The following CTIF variants were observed in gnomAD, a reference collection of about 807,000 sequenced individuals.
CTIF encodes the protein CBP80/20-dependent translation initiation factor.
A neutral mutation model predicts 66.0 loss-of-function variants in CTIF; 21 were observed. The observed-to-expected ratio is 0.32, with a 90% CI of 0.23 to 0.46. CTIF has a LOEUF of 0.46. CTIF is among the 20% of genes least tolerant of loss of function. CTIF has a pLI of 1.00. For missense variants in CTIF, 739 were observed against 812.7 expected (o/e 0.91, Z 1.10); for synonymous variants, 345 against 326.4 (o/e 1.06, Z -0.62).
intron 7 of CTIF, among the ~76,000 whole-genome samples, chr18:48,731,584 C>T (rs548431151): frequency 6.6e-6 from 1 of 152,276 alleles, no homozygotes; most frequent in African/African-American, 2.4e-5. Flanking sequence ...CTTGGTTTGT[C>T]TGTGATAAGT....
chr18:48,698,461 C>T (rs2092038648), intron 6 of CTIF, among the ~76,000 whole-genome samples: 1 of 152,206 alleles, frequency 6.6e-6, no homozygotes, highest in African/African-American at 2.4e-5. Flanking sequence ...GATTCTCCTA[C>T]CTCGGCCTCC....
intron 1 of CTIF, among the ~76,000 whole-genome samples, chr18:48,612,403 C>T (rs751746424): frequency 1.3e-5 from 2 of 152,202 alleles, no homozygotes; most frequent in Non-Finnish European, 2.9e-5. Context: ...ATTCTAGCCC[C>T]AATTGTGCAT....
intron 9 of CTIF, among the ~76,000 whole-genome samples, chr18:48,766,602 T>C (rs8087872): frequency 0.45 from 68,426 of 152,076 alleles, 15,835 homozygotes; most frequent in East Asian, 0.75. Context: ...GGAACACCAC[T>C]GTTGAGGAGA....
chr18:48,557,033 G>A (rs2089038241), intron 1 of CTIF, among the ~76,000 whole-genome samples: 1 of 152,138 alleles, frequency 6.6e-6, no homozygotes, highest in African/African-American at 2.4e-5. Flanking sequence ...CTCTGGAAAG[G>A]ATGGCTGTTC....
At chr18:48,600,737 C>A (rs956460986) in intron 1 of CTIF, among the ~76,000 whole-genome samples, 6 of 151,994 alleles carry the variant, frequency 3.9e-5, no homozygotes, top group African/African-American at 1.5e-4. Context: ...TTTTTCCTGG[C>A]AGTCTCTCCA....
chr18:48,733,083 C>G (rs1293683260), intron 7 of CTIF, among the ~76,000 whole-genome samples: 1 of 152,178 alleles, frequency 6.6e-6, no homozygotes, highest in Non-Finnish European at 1.5e-5. Flanking sequence ...ATCATTAGTG[C>G]ATGCTTATTT....
intron 1 of CTIF, among the ~76,000 whole-genome samples, chr18:48,579,284 C>T (rs1355637197): frequency 6.6e-6 from 1 of 152,050 alleles, no homozygotes; most frequent in East Asian, 1.9e-4. Flanking sequence ...GTAGCTGGGA[C>T]TACAGTGCAT....
At chr18:48,789,611 G>A (rs1186273912) in intron 9 of CTIF, among the ~76,000 whole-genome samples, 1 of 152,134 alleles carries the variant, frequency 6.6e-6, no homozygotes, top group African/African-American at 2.4e-5. Flanking sequence ...AGAATACTCA[G>A]TATTGGTATG....
chr18:48,781,296 G>A (rs1911188817), intron 9 of CTIF, among the ~76,000 whole-genome samples: 1 of 152,236 alleles, frequency 6.6e-6, no homozygotes, highest in Admixed American at 6.5e-5. Context: ...ACATTTCCAG[G>A]GAACTCTGGG....
In CTIF at chr18:48,730,639, CTGTGGTG is replaced by C. The variant is rs1453588985; in HGVS notation, c.584+18947_584+18953del. ...GGGGCTCCTGCGGTGTGAGGGGCCCCTGTGGTGTGAGGGGCTTCTGCGGTGTGAGGGG... is the reference window on the plus strand; with the variant it reads ...GGGGCTCCTGCGGTGTGAGGGGCCCCTGAGGGGCTTCTGCGGTGTGAGGGG... On this transcript the variant is annotated intron_variant, in intron 7 of 11. Transcript: ENST00000256413. 1.4e-3 allele frequency among the ~76,000 whole-genome samples: 184 copies of C among 128,838 alleles called. 11 individuals are homozygous for C. The highest frequency in any genetic ancestry group is 2.2e-3 in the Non-Finnish European group (135 of 60,106). The allele number at this position is 128,838 out of a possible 152,430, so 84.5% of individuals were successfully genotyped here.
intron 9 of CTIF, among the ~76,000 whole-genome samples, chr18:48,775,281 C>G (rs926523768): frequency 6.6e-6 from 1 of 152,268 alleles, no homozygotes; most frequent in Non-Finnish European, 1.5e-5. Context: ...ACTGAAATGC[C>G]TGACTTTTAC....
chr18:48,792,605 G>A (rs1362379587), intron 9 of CTIF, among the ~76,000 whole-genome samples: 1 of 152,154 alleles, frequency 6.6e-6, no homozygotes, highest in Admixed American at 6.5e-5. Flanking sequence ...GTCTAAGTAA[G>A]GGGTGGTGGT....
chr18:48,580,859 C>T (rs1422866025), intron 1 of CTIF, among the ~76,000 whole-genome samples: 1 of 152,214 alleles, frequency 6.6e-6, no homozygotes, highest in African/African-American at 2.4e-5. Context: ...GGACAAGTCC[C>T]CTGCCTGGCA....
At chr18:48,740,614 G>T (rs906923418) in intron 7 of CTIF, among the ~76,000 whole-genome samples, 2 of 152,206 alleles carry the variant, frequency 1.3e-5, no homozygotes, top group African/African-American at 4.8e-5. Flanking sequence ...GGAGCAAGAA[G>T]TATTTTATAT....
intron 2 of CTIF, among the ~76,000 whole-genome samples, chr18:48,632,744 T>TA (rs1471575775): frequency 6.6e-6 from 1 of 152,054 alleles, no homozygotes; most frequent in Non-Finnish European, 1.5e-5. Flanking sequence ...TTTCCTCCCT[T>TA]ACAGCCCCTG....
chr18:48,689,900 GC>G (rs2145246804), intron 6 of CTIF, among the ~76,000 whole-genome samples: 1 of 152,292 alleles, frequency 6.6e-6, no homozygotes, highest in East Asian at 1.9e-4. Flanking sequence ...TCATGGCTGA[GC>G]CCCTCTGCCC....
intron 10 of CTIF, among the ~76,000 whole-genome samples, chr18:48,845,489 C>A (rs1001287076): frequency 6.6e-6 from 1 of 152,196 alleles, no homozygotes; most frequent in Non-Finnish European, 1.5e-5. Context: ...TCTCTGACCA[C>A]CCTTTTCTTC....
At chr18:48,690,164 AC>A (rs1401574032) in intron 6 of CTIF, among the ~76,000 whole-genome samples, 1 of 150,098 alleles carries the variant, frequency 6.7e-6, no homozygotes, top group African/African-American at 2.5e-5. Context: ...TCTCCACCCC[AC>A]CCCGTCCTTC....
At chr18:48,560,253 G>C (rs1033258704) in intron 1 of CTIF, among the ~76,000 whole-genome samples, 1 of 147,526 alleles carries the variant, frequency 6.8e-6, no homozygotes, top group Non-Finnish European at 1.5e-5. Flanking sequence ...TTGAGACAGA[G>C]TCTCGCTCTG....
Sources: allele counts gnomAD v4.1 joint callset (sites outside exome capture counted in the v4.1 genomes callset), GRCh38; gene constraint gnomAD v4.1.1; transcripts MANE v1.5; gene names NCBI Gene and HGNC (gene_info 2026-07-23, HGNC 2026-07-21).